MYH7B: variants seen among roughly 807,000 people sequenced by gnomAD.
MYH7B encodes myosin heavy chain 7B.
In MYH7B, 205 loss-of-function variants were observed where a neutral mutation model predicts 234.5. The observed-to-expected ratio is 0.87, with a 90% CI of 0.78 to 0.98. The LOEUF is 0.98. Ranked by LOEUF, MYH7B falls within the 50% of genes least tolerant of loss-of-function variation. The pLI, the probability that MYH7B is intolerant of heterozygous loss-of-function variation, is 0.00. For synonymous variants in MYH7B, 1,193 were observed against 1,105.0 expected, an observed-to-expected ratio of 1.08 and a Z score of -1.58; for missense variants, 2,652 against 2,633.4, an observed-to-expected ratio of 1.01 and a Z score of -0.15.
intron 13 of MYH7B, among the ~76,000 whole-genome samples, chr20:34,985,542 G>C (rs574960700): frequency 6.6e-6 from 1 of 150,634 alleles, no homozygotes; most frequent in Admixed American, 6.6e-5. Context: ...TACACGTAGA[G>C]TGCCCCATCC....
At chr20:34,986,822 T>G in intron 14 of MYH7B, 64 bp from the exon 15 acceptor site, 20 of 1,356,146 alleles carry the variant, frequency 1.5e-5, no homozygotes, top group Non-Finnish European at 2.0e-5. Flanking sequence ...TATGCTGCAA[T>G]TGTTGTGGGG....
At chr20:35,000,009 C>A in intron 38 of MYH7B, 103 bp downstream of exon 38, 1 of 1,154,352 alleles carries the variant, frequency 8.7e-7, no homozygotes. Flanking sequence ...ACTTTGAGGT[C>A]CGGGTTGCTG....
intron 1 of MYH7B, among the ~76,000 whole-genome samples, chr20:34,956,572 AT>A (rs2081637266): frequency 1.3e-5 from 2 of 152,220 alleles, no homozygotes; most frequent in African/African-American, 4.8e-5. Context: ...CTTCTAGGGA[AT>A]TAACCATAAA....
At chr20:34,956,458 C>T (rs530017498) in intron 1 of MYH7B, among the ~76,000 whole-genome samples, 6 of 152,250 alleles carry the variant, frequency 3.9e-5, no homozygotes, top group Admixed American at 3.3e-4. Context: ...TGCTTGGCAG[C>T]CCCCAGGTGC....
exon 13 of MYH7B, chr20:34,985,117 G>C (rs2081997520): frequency 6.2e-7 from 1 of 1,613,982 alleles, no homozygotes; most frequent in African/African-American, 1.3e-5. Context: ...GGCATCCGCG[G>C]ATATTGACAG....
In MYH7B at chr20:34,989,735, C is replaced by G. The variant is rs1352653429; in HGVS notation, c.1588-5C>G. ...GGTGGCTTTTCAAGCTCGTTCTGTT[C>G]CCAGCCACTGGGCATCCTGTCCATC... On this transcript the variant is annotated splice_polypyrimidine_tract_variant and splice_region_variant and intron_variant, in intron 19 of 44. Transcript: ENST00000262873. The G allele has an allele frequency of 1.2e-6, 2 of 1,612,894 alleles. No homozygotes were observed. Among genetic ancestry groups the G allele is most frequent in the East Asian group, 4.5e-5 (2 of 44,898 alleles).
chr20:34,979,833 GGTGGGGCTTGTAT>G lies in MYH7B; in HGVS notation c.342+37_342+49del, dbSNP rs749757755. ...AGCCCCAGGCCCGGGCCATGGGCGGGGTGGGGCTTGTATGTGGGGCGGGGCTAGAGATGAGGTG... is the reference window on the plus strand; with the variant it reads ...AGCCCCAGGCCCGGGCCATGGGCGGGGTGGGGCGGGGCTAGAGATGAGGTG... On this transcript the variant is annotated intron_variant, in intron 7 of 44. Coordinates refer to ENST00000262873, the Ensembl canonical transcript of MYH7B. The G allele has an allele frequency of 6.8e-6, 11 of 1,606,220 alleles. No individual in the cohort carries two copies. The South Asian group carries it at 1.2e-4, about 18-fold the overall frequency.
chr20:35,001,459 G>C, exon 43 of MYH7B: 1 of 1,607,382 alleles, frequency 6.2e-7, no homozygotes, highest in Non-Finnish European at 8.5e-7. Context: ...AACCTGGCTC[G>C]CATGCAGGAC....
exon 34 of MYH7B, chr20:34,998,556 A>C (rs1569061620): frequency 3.1e-6 from 5 of 1,613,760 alleles, no homozygotes; most frequent in Non-Finnish European, 4.2e-6. Context: ...CTGATCAGTC[A>C]GCTGAGCCGT....
intron 28 of MYH7B, 128 bp from the exon 29 acceptor site, chr20:34,996,218 G>A (rs2082252919): frequency 2.7e-6 from 3 of 1,103,736 alleles, no homozygotes; most frequent in Non-Finnish European, 3.9e-6. Context: ...AAGCGGTGGA[G>A]GCTCGGAGTC....
At chr20:34,986,365 G>A (rs995805813) in intron 14 of MYH7B, among the ~76,000 whole-genome samples, 167 bp downstream of exon 14, 1 of 152,232 alleles carries the variant, frequency 6.6e-6, no homozygotes, top group African/African-American at 2.4e-5. Flanking sequence ...CTAGGGAACA[G>A]TCCTCTTAGC....
chr20:34,986,089 C>A lies in MYH7B; in HGVS notation c.806-11C>A. On this transcript the variant is annotated splice_polypyrimidine_tract_variant and intron_variant, in intron 13 of 44. Transcript: ENST00000262873. Reference sequence around the variant, plus strand: ...TGTGGGAGATGGCAGGCCAGCGTCCCTTCTCCCCAGATCTCCTGGAGAAGT... The same window carrying A: ...TGTGGGAGATGGCAGGCCAGCGTCCATTCTCCCCAGATCTCCTGGAGAAGT... The A allele has an allele frequency of 6.4e-7, 1 of 1,570,362 alleles. No homozygotes were observed. Among genetic ancestry groups the A allele is most frequent in the East Asian group, 2.3e-5 (1 of 42,738 alleles).
chr20:34,990,226 T>C lies in MYH7B; in HGVS notation c.1901-8T>C. On this transcript the variant is annotated splice_polypyrimidine_tract_variant and splice_region_variant and intron_variant, in intron 21 of 44. Transcript: ENST00000262873. ...CCCTGGAGTGACCAGGCCCCTTGTC[T>C]CTATTAGCTGAGCCCCCCAAGTCTG... 1 of 1,614,082 alleles carries C rather than the reference T, an allele frequency of 6.2e-7. No homozygotes were observed. The highest frequency in any genetic ancestry group is 8.5e-7 in the Non-Finnish European group (1 of 1,180,020).
chr20:34,989,697 G>T (rs755037136), intron 19 of MYH7B, 43 bp from the exon 20 acceptor site: 10 of 1,589,076 alleles, frequency 6.3e-6, no homozygotes, highest in Non-Finnish European at 7.7e-6. Context: ...CTTCCAGGAT[G>T]GACTGGCTTG....
chr20:34,998,427 G>A lies in MYH7B; in HGVS notation c.3874+6G>A. 1 of 1,613,042 alleles carries A rather than the reference G, an allele frequency of 6.2e-7. No individual in the cohort carries two copies. On this transcript the variant is annotated splice_donor_region_variant and intron_variant, in intron 33 of 44. Coordinates refer to ENST00000262873, the Ensembl canonical transcript of MYH7B. ...GCGACTACAGACGGAAAGCGGTGAG[G>A]CTGGGGCTCAGCTGGCCACACCAGG...
At chr20:34,993,435 C>T (rs1200289493) in exon 26 of MYH7B, 3 of 1,610,814 alleles carry the variant, frequency 1.9e-6, no homozygotes, top group East Asian at 4.5e-5. Flanking sequence ...GTGGCCGCCT[C>T]ATGCGCCTTG....
chr20:34,977,844 T>C (rs961227291), intron 4 of MYH7B, 90 bp from the exon 5 acceptor site: 15 of 1,558,892 alleles, frequency 9.6e-6, no homozygotes, highest in East Asian at 4.5e-5. Context: ...GGAGGCTGCA[T>C]TGGGAGCCAG....
Position 34,986,081 on chromosome 20 carries a change from C to T in MYH7B, c.806-19C>T. The T allele has an allele frequency of 6.4e-7, 1 of 1,557,422 alleles. No homozygotes were observed. The highest frequency in any genetic ancestry group is 1.4e-5 in the African/African-American group (1 of 73,808). ...TGGGGAGGTGTGGGAGATGGCAGGC[C>T]AGCGTCCCTTCTCCCCAGATCTCCT... On this transcript the variant is annotated intron_variant, in intron 13 of 44. Transcript: ENST00000262873.
At chr20:34,987,979 G>C (rs2082062427) in intron 18 of MYH7B, 65 bp downstream of exon 18, 2 of 1,557,790 alleles carry the variant, frequency 1.3e-6, no homozygotes, top group Admixed American at 3.7e-5. Flanking sequence ...CCTGTGGGGG[G>C]GCAGAAGCCC....
Sources: gnomAD v4.1 joint callset for allele counts (sites outside exome capture counted in the v4.1 genomes callset) on GRCh38, gnomAD v4.1.1 for gene constraint, MANE v1.5 for transcripts, NCBI Gene and HGNC (gene_info 2026-07-23, HGNC 2026-07-21) for gene names.